The following CCDC127 variants were observed in gnomAD, a reference collection of about 807,000 sequenced individuals.
CCDC127 encodes the protein coiled-coil domain-containing protein 127.
Under a neutral mutation model 4.1 loss-of-function variants are expected in CCDC127, and 2 were observed. That is an observed-to-expected ratio of 0.49 (90% CI 0.20 to 1.53). CCDC127 has a LOEUF of 1.53. CCDC127 is among the 40% of genes most tolerant of loss of function. The probability of loss-of-function intolerance (pLI) is 0.23; values close to 1 mark genes in which losing one functional copy is unlikely to be tolerated. For synonymous variants in CCDC127, 98 were observed against 120.4 expected (o/e 0.81, Z 1.22); for missense variants, 271 against 322.9 (o/e 0.84, Z 1.23).
intron 2 of CCDC127, among the ~76,000 whole-genome samples, chr5:212,339 G>A (rs376409989): frequency 2.7e-5 from 1 of 37,714 alleles, no homozygotes; most frequent in Non-Finnish European, 5.0e-5. Context: ...TGGGGCAGAC[G>A]GGACAGCAAT....
In CCDC127 at chr5:205,778, C is replaced by T; in HGVS notation, c.302G>A (p.Ser101Asn). ...ELEKEQNRTA[S>N]YREALISQGR... The stretch of plus-strand genomic sequence containing the variant: ...CTGAGAGATAAGGGCTTCTCGGTAA[C>T]TAGCAGTTCTGTTTTGTTCCTTTTC... The change falls in exon 3 of 3, where the codon AGT becomes AAT. Residue 101 changes from serine to asparagine, a missense_variant. Physicochemically the swap from Ser to Asn is conservative, Grantham distance 46 (BLOSUM62 1). This residue lies in a region of CCDC127 where 265 missense variants were observed against 270.9 expected (regional missense o/e 0.98). Transcript: ENST00000296824. 6.2e-7 allele frequency: 1 copy of T among 1,614,178 alleles called. No individual in the cohort carries two copies. Among genetic ancestry groups the T allele is most frequent in the South Asian group, 1.1e-5 (1 of 91,088 alleles).
Position 215,192 on chromosome 5 carries a change from A to G in CCDC127, c.121+1537T>C, listed in dbSNP as rs1313078626. Reference sequence around the variant, plus strand: ...TCCTATGTGCAACAGAACCTCAAACACATCGTAACACACCTTTGGAGAATC... The same window carrying G: ...TCCTATGTGCAACAGAACCTCAAACGCATCGTAACACACCTTTGGAGAATC... On this transcript the variant is annotated intron_variant, in intron 2 of 2. Coordinates refer to ENST00000296824, the MANE Select transcript of CCDC127 (RefSeq NM_145265.3). 3.3e-5 allele frequency: 5 copies of G among 152,252 alleles called. No homozygotes were observed. The East Asian group carries it at 9.6e-4, about 29-fold the overall frequency. 9.4% of individuals were successfully genotyped at this position (152,252 alleles called of 1,614,324 possible).
intron 1 of CCDC127, 47 bp downstream of exon 1, chr5:218,046 T>C (rs1734464768): frequency 9.2e-7 from 1 of 1,082,972 alleles, no homozygotes; most frequent in South Asian, 4.4e-5. Context: ...CACGGGGCTT[T>C]AAAAATGTTG....
In CCDC127 at chr5:205,345, G is replaced by A. The variant is rs753353373; in HGVS notation, c.735C>T (p.Val245=). Residue 245 remains valine, a synonymous_variant, in exon 3 of 3, where the codon GTC becomes GTT. Transcript: ENST00000296824. ...CTACTCTCTTAAACTTCTTCAGTTCGACAACGAGTTCCCAGTATTTGAGAT... is the reference window on the plus strand; with the variant it reads ...CTACTCTCTTAAACTTCTTCAGTTCAACAACGAGTTCCCAGTATTTGAGAT... ...WLYLKYWELV[V]ELKKFKRVEE... 2.9e-5 allele frequency: 46 copies of A among 1,613,612 alleles called. No homozygotes were observed. The highest frequency in any genetic ancestry group is 2.4e-4 in the South Asian group (22 of 90,974).
rs1413594736 is a variant in CCDC127 at position 213,229 on chromosome 5, G to C, written c.121+3500C>G. Among the ~76,000 whole-genome samples the C allele has an allele frequency of 1.6e-4, 14 of 86,362 alleles. 1 individual carries two copies. Among genetic ancestry groups the C allele is most frequent in the African/African-American group, 1.1e-3 (14 of 12,388 alleles). 56.7% of individuals were successfully genotyped at this position (86,362 alleles called of 152,430 possible). A position where few individuals can be genotyped will look rare whatever the true frequency, so the allele number is the denominator to read the frequency against. ...ACAGCACCACACACCCATCAGGATGGGGCAGACGGGACAGCAGTGTGAGCA... is the reference window on the plus strand; with the variant it reads ...ACAGCACCACACACCCATCAGGATGCGGCAGACGGGACAGCAGTGTGAGCA... On this transcript the variant is annotated intron_variant, in intron 2 of 2. Coordinates refer to ENST00000296824, the MANE Select transcript of CCDC127 (RefSeq NM_145265.3).
intron 1 of CCDC127, chr5:217,387 G>A (rs1197696275): frequency 1.3e-5 from 2 of 154,256 alleles, no homozygotes; most frequent in African/African-American, 4.8e-5. Flanking sequence ...TGTCTGTAAG[G>A]GTGTTTTTGG....
In CCDC127 at chr5:198,757, CCA is replaced by C. The variant is rs972414958; in HGVS notation, c.*6538_*6539del. On this transcript the variant is annotated 3_prime_UTR_variant, in exon 3 of 3. Transcript: ENST00000296824. ...TTTGTCCTCGCCCAATCTTGTGACT[CCA>C]GTCCTGGGTCGCATGGCGTCTGTGG... 9.2e-5 allele frequency: 14 copies of C among 152,368 alleles called. No individual in the cohort carries two copies. Among genetic ancestry groups the C allele is most frequent in the Non-Finnish European group, 5.9e-5 (4 of 68,122 alleles). The allele number at this position is 152,368 out of a possible 1,614,324, so 9.4% of individuals were successfully genotyped here.
rs977068246 is a variant in CCDC127, at chr5:200,637, A to G, written c.*4660T>C. ...CATTCTTGACCTGAAGTTTCACGAG[A>G]CAGCCTTAAATCCCTCTTTAACTTT... On this transcript the variant is annotated 3_prime_UTR_variant, in exon 3 of 3. Coordinates refer to ENST00000296824, the MANE Select transcript of CCDC127 (RefSeq NM_145265.3). The G allele has an allele frequency of 1.3e-5, 2 of 152,260 alleles. No homozygotes were observed. The highest frequency in any genetic ancestry group is 2.9e-5 in the Non-Finnish European group (2 of 68,060). The allele number at this position is 152,260 out of a possible 1,614,324, so 9.4% of individuals were successfully genotyped here. A position where few individuals can be genotyped will look rare whatever the true frequency, so the allele number is the denominator to read the frequency against.
rs1734084941 is a variant in CCDC127, at chr5:202,072, C to T, written c.*3225G>A. 1 of 152,292 alleles carries T rather than the reference C, an allele frequency of 6.6e-6. No individual in the cohort carries two copies. Among genetic ancestry groups the T allele is most frequent in the Non-Finnish European group, 1.5e-5 (1 of 68,078 alleles). The allele number at this position is 152,292 out of a possible 1,614,324, so 9.4% of individuals were successfully genotyped here. A position where few individuals can be genotyped will look rare whatever the true frequency, so the allele number is the denominator to read the frequency against. ...GCACACACACCAACCAGCACAATTA[C>T]CCTTTTCTGCAACTTTAAACCACTT... On this transcript the variant is annotated 3_prime_UTR_variant, in exon 3 of 3. Coordinates refer to ENST00000296824, the MANE Select transcript of CCDC127 (RefSeq NM_145265.3).
At chr5:207,380 G>C (rs1214978036) in intron 2 of CCDC127, among the ~76,000 whole-genome samples, 2 of 152,136 alleles carry the variant, frequency 1.3e-5, no homozygotes, top group Non-Finnish European at 2.9e-5. Flanking sequence ...CAGGAAAGAA[G>C]CTGTTACAAC....
At chr5:210,860 C>T (rs1201552024) in intron 2 of CCDC127, among the ~76,000 whole-genome samples, 4 of 100,238 alleles carry the variant, frequency 4.0e-5, no homozygotes, top group African/African-American at 1.0e-4. Flanking sequence ...CGACATCGCA[C>T]ACTGCAGCCA....
intron 2 of CCDC127, chr5:215,342 G>GAAGGT (rs1344151695): frequency 6.6e-6 from 1 of 152,186 alleles, no homozygotes; most frequent in African/African-American, 2.4e-5. Context: ...TCCAAGAAGG[G>GAAGGT]AAGGTAAGAA....
rs1199404457 is a variant in CCDC127 at position 197,139 on chromosome 5, CAG to C, written c.*8156_*8157del. The C allele has an allele frequency of 2.0e-5, 3 of 152,040 alleles. No individual in the cohort carries two copies. The highest frequency in any genetic ancestry group is 2.1e-4 in the South Asian group (1 of 4,820). The allele number at this position is 152,040 out of a possible 1,614,324, so 9.4% of individuals were successfully genotyped here. On this transcript the variant is annotated 3_prime_UTR_variant, in exon 3 of 3. Coordinates refer to ENST00000296824, the MANE Select transcript of CCDC127 (RefSeq NM_145265.3). ...GTTTCTCTCCACCCAAACATCTCAG[CAG>C]AGTAAAGAATAACAAGGCAGCATTG...
chr5:203,635 C>G lies in CCDC127; in HGVS notation c.*1662G>C, dbSNP rs1216176672. On this transcript the variant is annotated 3_prime_UTR_variant, in exon 3 of 3. Coordinates refer to ENST00000296824, the MANE Select transcript of CCDC127 (RefSeq NM_145265.3). ...TTTAACAGTTGCTCCTACTCCCGTA[C>G]AGACGGGCAGGAGGGGAGAACATGG... 9.2e-5 allele frequency: 14 copies of G among 152,352 alleles called. No homozygotes were observed. 9.4% of individuals were successfully genotyped at this position (152,352 alleles called of 1,614,324 possible). A position where few individuals can be genotyped will look rare whatever the true frequency, so the allele number is the denominator to read the frequency against.
chr5:209,021 C>G (rs1465154195), intron 2 of CCDC127, among the ~76,000 whole-genome samples: 1 of 152,178 alleles, frequency 6.6e-6, no homozygotes, highest in African/African-American at 2.4e-5. Flanking sequence ...AAAGAAGAAC[C>G]AAATGAAAAT....
intron 2 of CCDC127, among the ~76,000 whole-genome samples, chr5:209,049 G>GAAC (rs201615756): frequency 0.012 from 1,782 of 152,244 alleles, 34 homozygotes; most frequent in African/African-American, 0.041. Context: ...CTGAAAAACA[G>GAAC]AACAACTCGA....
intron 2 of CCDC127, chr5:215,870 C>G (rs1734370094): frequency 1.3e-5 from 2 of 152,034 alleles, no homozygotes; most frequent in African/African-American, 4.8e-5. Context: ...AAACTCACTC[C>G]TCTGCATCAG....
intron 2 of CCDC127, among the ~76,000 whole-genome samples, chr5:213,464 C>T (rs1435622182): frequency 1.8e-5 from 2 of 109,036 alleles, no homozygotes; most frequent in African/African-American, 4.3e-5. Context: ...ACTGCAGCCA[C>T]GACGAGACAG....
rs574655859 is a variant in CCDC127, at chr5:206,531, G to C, written c.122-573C>G. Among the ~76,000 whole-genome samples the C allele has an allele frequency of 2.9e-4, 44 of 152,366 alleles. No homozygotes were observed. In the South Asian group the frequency reaches 8.7e-3, roughly 30 times the overall value. On this transcript the variant is annotated intron_variant, in intron 2 of 2. Coordinates refer to ENST00000296824, the MANE Select transcript of CCDC127 (RefSeq NM_145265.3). ...TGCCCGGCTCTGCCCCCTACACCAA[G>C]GAGCAGCAGGGCTGGCCTGCACTGC...
Sources: gnomAD v4.1 joint callset for allele counts (sites outside exome capture counted in the v4.1 genomes callset) on GRCh38, gnomAD v4.1.1 for gene constraint, gnomAD v4.1.1 regional missense constraint, MANE v1.5 for transcripts, NCBI Gene and HGNC (gene_info 2026-07-23, HGNC 2026-07-21) for gene names.